The following ABI2 variants were observed in gnomAD, a reference collection of about 807,000 sequenced individuals.
The protein encoded by ABI2 is abelson interactor 2.
In ABI2, 25 loss-of-function variants were observed where a neutral mutation model predicts 59.2. That is an observed-to-expected ratio of 0.42 (90% confidence interval 0.31 to 0.59). The LOEUF is 0.59. ABI2 is among the 20% of genes least tolerant of loss of function. The probability of loss-of-function intolerance (pLI) is 0.14; values close to 1 mark genes in which losing one functional copy is unlikely to be tolerated. For missense variants in ABI2, 545 were observed against 681.8 expected, an observed-to-expected ratio of 0.80 and a Z score of 2.23; for synonymous variants, 213 against 235.5, an observed-to-expected ratio of 0.90 and a Z score of 0.87.
At chr2:203,344,232 T>C (rs1040714513) in intron 1 of ABI2, among the ~76,000 whole-genome samples, 1 of 152,318 alleles carries the variant, frequency 6.6e-6, no homozygotes, top group African/African-American at 2.4e-5. Context: ...GAAAAGACTA[T>C]AGGCCATTAA....
At position 203,391,142 on chromosome 2, in the gene ABI2, G is replaced by C; in HGVS notation, c.577G>C (p.Gly193Arg). The part of the protein sequence containing the change: ...SPPMSGKGTL[G>R]RHSPYRTLEP... Reference sequence around the variant, plus strand: ...CCCTATGTCAGGGAAAGGGACACTTGGGTGAGTATATAAGTAGTAATTGAA... The same window carrying C: ...CCCTATGTCAGGGAAAGGGACACTTCGGTGAGTATATAAGTAGTAATTGAA... The change falls in exon 5 of 12, where the codon GGG (glycine) becomes CGG (arginine). Residue 193 changes from glycine to arginine, a missense_variant and splice_region_variant. Gly to Arg is a moderately radical substitution (Grantham distance 125). This residue lies in a region of ABI2 where 410 missense variants were observed against 435.6 expected (regional missense o/e 0.94). Coordinates refer to ENST00000261018, the MANE Select transcript of ABI2 (RefSeq NM_001375670.1). 1.2e-6 allele frequency: 2 copies of C among 1,608,864 alleles called. No homozygotes were observed. The highest frequency in any genetic ancestry group is 2.2e-5 in the South Asian group (2 of 90,448).
intron 2 of ABI2, chr2:203,374,710 T>C (rs1414651291): frequency 2.6e-6 from 1 of 389,668 alleles, no homozygotes; most frequent in Non-Finnish European, 5.5e-6. Flanking sequence ...GAAGCATAAT[T>C]GTAATTTAAA....
intron 4 of ABI2, among the ~76,000 whole-genome samples, chr2:203,389,221 A>G (rs1225051721): frequency 6.6e-6 from 1 of 152,200 alleles, no homozygotes. Flanking sequence ...TGAGAGGGAG[A>G]GCAAGGATAA....
intron 2 of ABI2, among the ~76,000 whole-genome samples, chr2:203,368,018 A>G (rs2094643637): frequency 6.6e-6 from 1 of 152,150 alleles, no homozygotes; most frequent in African/African-American, 2.4e-5. Flanking sequence ...AAAAAATAAA[A>G]AAAAGTAGCC....
At chr2:203,418,683 T>G (rs1403319807) in intron 11 of ABI2, among the ~76,000 whole-genome samples, 1 of 152,222 alleles carries the variant, frequency 6.6e-6, no homozygotes, top group Non-Finnish European at 1.5e-5. Context: ...GACCTGTCAT[T>G]TTTGCCATTT....
At chr2:203,369,268 T>TA (rs938426483) in intron 2 of ABI2, among the ~76,000 whole-genome samples, 2 of 151,534 alleles carry the variant, frequency 1.3e-5, no homozygotes, top group African/African-American at 2.4e-5. Context: ...AAAGAAACGT[T>TA]AAAAAAAAGA....
intron 1 of ABI2, among the ~76,000 whole-genome samples, chr2:203,335,938 C>G (rs192130710): frequency 8.5e-5 from 13 of 152,292 alleles, no homozygotes; most frequent in African/African-American, 2.6e-4. Flanking sequence ...CTTGTACCCT[C>G]TGTAGTCAGT....
intron 11 of ABI2, among the ~76,000 whole-genome samples, chr2:203,423,167 T>C (rs2098286555): frequency 6.6e-6 from 1 of 152,208 alleles, no homozygotes. Context: ...CCTTTTTGTT[T>C]TACATTGTTA....
In ABI2 at chr2:203,427,926, C is replaced by A. The variant is rs2098453836; in HGVS notation, c.*574C>A. ...TCTGCATTCTCTCAGCACTTGAGTG[C>A]ACCAAACGAGTGAATGCTGAACTCA... On this transcript the variant is annotated 3_prime_UTR_variant, in exon 12 of 12. Coordinates refer to ENST00000261018, the MANE Select transcript of ABI2 (RefSeq NM_001375670.1). 1 of 152,304 alleles carries A rather than the reference C, an allele frequency of 6.6e-6. No individual in the cohort carries two copies. Among genetic ancestry groups the A allele is most frequent in the South Asian group, 2.1e-4 (1 of 4,824 alleles). 9.4% of individuals were successfully genotyped at this position (152,304 alleles called of 1,614,324 possible).
intron 3 of ABI2, among the ~76,000 whole-genome samples, 199 bp from the exon 4 acceptor site, chr2:203,381,990 A>G (rs2096162147): frequency 6.6e-6 from 1 of 152,194 alleles, no homozygotes; most frequent in Non-Finnish European, 1.5e-5. Context: ...AGTATCTTAA[A>G]TTCATCAGAG....
chr2:203,385,707 A>G (rs2096477450), intron 4 of ABI2, among the ~76,000 whole-genome samples: 1 of 152,218 alleles, frequency 6.6e-6, no homozygotes, highest in Non-Finnish European at 1.5e-5. Flanking sequence ...AAACCTTTGT[A>G]GTAACATCAA....
intron 1 of ABI2, among the ~76,000 whole-genome samples, chr2:203,347,903 A>G (rs780007034): frequency 5.1e-4 from 77 of 152,290 alleles, no homozygotes; most frequent in Non-Finnish European, 7.6e-4. Flanking sequence ...CTTTCTAGAT[A>G]TTTAGGATTT....
At chr2:203,381,068 TATAC>T (rs958329296) in intron 3 of ABI2, among the ~76,000 whole-genome samples, 1 of 152,206 alleles carries the variant, frequency 6.6e-6, no homozygotes, top group Non-Finnish European at 1.5e-5. Context: ...ACTAAATAAA[TATAC>T]ATGCTTATAA....
In ABI2 at chr2:203,328,519, C is replaced by T; in HGVS notation, c.5C>T (p.Ala2Val). ...GAGGAGGAGGAGGATGTGAAGATGG[C>T]GGAGCTGCAGATGCTGCTGGAAGAG... The part of the protein sequence containing the change: M[A>V]ELQMLLEEEI... The change falls in exon 1 of 12, where the codon GCG (alanine) becomes GTG (valine). Residue 2 changes from alanine (A) to valine (V), a missense_variant. Physicochemically the swap from Ala to Val is moderately conservative, Grantham distance 64. Coordinates refer to ENST00000261018, the MANE Select transcript of ABI2 (RefSeq NM_001375670.1). 6.2e-7 allele frequency: 1 copy of T among 1,602,642 alleles called. No individual in the cohort carries two copies. The highest frequency in any genetic ancestry group is 8.5e-7 in the Non-Finnish European group (1 of 1,174,996).
chr2:203,339,758 T>C (rs1032027439), intron 1 of ABI2, among the ~76,000 whole-genome samples: 2 of 152,142 alleles, frequency 1.3e-5, no homozygotes, highest in Non-Finnish European at 2.9e-5. Flanking sequence ...AACTAAGATA[T>C]GGAAACAACC....
In ABI2 at chr2:203,328,610, C is replaced by T. The variant is rs751659474; in HGVS notation, c.96C>T (p.Tyr32=). The T allele has an allele frequency of 6.2e-7, 1 of 1,603,158 alleles. No individual in the cohort carries two copies. The highest frequency in any genetic ancestry group is 8.5e-7 in the Non-Finnish European group (1 of 1,175,134). The change falls in exon 1 of 12, where the codon TAC becomes TAT. Residue 32 remains tyrosine (Y), a synonymous_variant. Coordinates refer to ENST00000261018, the MANE Select transcript of ABI2 (RefSeq NM_001375670.1). ...CAAATCTGGAACGGGTGGCCGATTA[C>T]TGCGAGAACAACTACATACAGGTGC... ...SYTNLERVAD[Y]CENNYIQSAD...
chr2:203,345,870 G>A (rs1356622390), intron 1 of ABI2, among the ~76,000 whole-genome samples: 2 of 151,262 alleles, frequency 1.3e-5, no homozygotes, highest in Admixed American at 1.3e-4. Context: ...AATCAGATGA[G>A]TTTTGCTTTT....
chr2:203,364,044 G>A (rs748027386), intron 1 of ABI2, among the ~76,000 whole-genome samples: 2 of 151,320 alleles, frequency 1.3e-5, no homozygotes, highest in East Asian at 1.9e-4. Flanking sequence ...AATTATAGGC[G>A]TGAGCCATGG....
chr2:203,392,314 CCAACAACAACAACAACAACAACAA>C (rs150870167), intron 5 of ABI2, among the ~76,000 whole-genome samples: 1 of 123,228 alleles, frequency 8.1e-6, no homozygotes, highest in African/African-American at 3.0e-5. Flanking sequence ...ACCACCACCA[CCAACAACAACAACAACAACAACAA>C]CAACAAAACA....
Sources: allele counts gnomAD v4.1 joint callset (sites outside exome capture counted in the v4.1 genomes callset), GRCh38; gene constraint gnomAD v4.1.1; regional missense constraint gnomAD v4.1.1; transcripts MANE v1.5; gene names NCBI Gene and HGNC (gene_info 2026-07-23, HGNC 2026-07-21).